The following MTHFD1L variants were observed in gnomAD, a reference collection of about 807,000 sequenced individuals.
MTHFD1L encodes the protein methylenetetrahydrofolate dehydrogenase (NADP+ dependent) 1 like.
In MTHFD1L, 81 loss-of-function variants were observed where a neutral mutation model predicts 119.5. The ratio of observed to expected loss-of-function variants is 0.68; its 90% confidence interval spans 0.57 to 0.82. The LOEUF is 0.82. Ranked by LOEUF, MTHFD1L falls within the 40% of genes least tolerant of loss-of-function variation. The probability of loss-of-function intolerance (pLI) is 0.00; values close to 1 mark genes in which losing one functional copy is unlikely to be tolerated. For synonymous variants in MTHFD1L, 430 were observed against 475.2 expected, an observed-to-expected ratio of 0.90 and a Z score of 1.24; for missense variants, 1,125 against 1,253.4, an observed-to-expected ratio of 0.90 and a Z score of 1.55.
At chr6:150,947,702 A>G (rs1794211241) in intron 15 of MTHFD1L, among the ~76,000 whole-genome samples, 2 of 152,138 alleles carry the variant, frequency 1.3e-5, no homozygotes, top group Non-Finnish European at 2.9e-5. Context: ...TTGAAAAACT[A>G]AAGAACTGCG....
At chr6:151,100,698 A>C (rs1228559800) in intron 27 of MTHFD1L, among the ~76,000 whole-genome samples, 1 of 151,736 alleles carries the variant, frequency 6.6e-6, no homozygotes, top group Non-Finnish European at 1.5e-5. Context: ...ACAGGATTCA[A>C]GAATGGCAAT....
At chr6:150,952,592 C>G in intron 16 of MTHFD1L, among the ~76,000 whole-genome samples, 1 of 151,684 alleles carries the variant, frequency 6.6e-6, no homozygotes, top group East Asian at 1.9e-4. Flanking sequence ...GTGCAGTGTG[C>G]GATCTCGGCT....
At chr6:150,954,237 T>C (rs803462) in intron 16 of MTHFD1L, among the ~76,000 whole-genome samples, 43,272 of 152,202 alleles carry the variant, frequency 0.28, 6,500 homozygotes, top group East Asian at 0.49. Context: ...TTGAGTAAAG[T>C]GGATCTAAAT....
At chr6:151,021,577 A>G (rs1194960320) in intron 24 of MTHFD1L, among the ~76,000 whole-genome samples, 1 of 152,262 alleles carries the variant, frequency 6.6e-6, no homozygotes, top group African/African-American at 2.4e-5. Flanking sequence ...AAAGTAGTCA[A>G]TCAATGCTGG....
intron 20 of MTHFD1L, among the ~76,000 whole-genome samples, chr6:151,008,321 G>A (rs1076745): frequency 0.051 from 7,687 of 152,204 alleles, 624 homozygotes; most frequent in East Asian, 0.42. Flanking sequence ...AGTTCCGATC[G>A]GTGTCCTGGT....
At chr6:151,067,381 T>C (rs1234065152) in intron 26 of MTHFD1L, among the ~76,000 whole-genome samples, 3 of 152,176 alleles carry the variant, frequency 2.0e-5, no homozygotes, top group African/African-American at 7.2e-5. Context: ...TGGTGTACAG[T>C]GGTGCAATCT....
rs112663874 is a variant in MTHFD1L at position 151,039,917 on chromosome 6, AATAC to A, written c.2847+2827_2847+2830del. 7.5e-4 allele frequency among the ~76,000 whole-genome samples: 111 copies of A among 148,750 alleles called. No homozygotes were observed. The highest frequency in any genetic ancestry group is 2.5e-3 in the African/African-American group (101 of 40,060). ...GTGACAGAGCAAGACTTCATCTCTAAATACATACATACATACATACATACATACA... is the reference window on the plus strand; with the variant it reads ...GTGACAGAGCAAGACTTCATCTCTAAATACATACATACATACATACATACA... On this transcript the variant is annotated intron_variant, in intron 26 of 27. Transcript: ENST00000367321. The surrounding 1 kb of genome is among the most constrained non-coding windows in gnomAD (Gnocchi z 4.4).
intron 11 of MTHFD1L, among the ~76,000 whole-genome samples, chr6:150,928,433 C>CAA (rs540059318): frequency 0.016 from 1,149 of 70,788 alleles, 21 homozygotes; most frequent in African/African-American, 0.054. Context: ...AAGACTGTCT[C>CAA]AAAAAAAAAA....
chr6:151,062,629 GGAGTA>G (rs1391140376), intron 26 of MTHFD1L, among the ~76,000 whole-genome samples: 1 of 152,172 alleles, frequency 6.6e-6, no homozygotes, highest in Non-Finnish European at 1.5e-5. Context: ...GTTGGGGGCA[GGAGTA>G]GGCAGAGTAA....
intron 7 of MTHFD1L, chr6:150,898,753 A>AC: frequency 3.4e-6 from 1 of 295,750 alleles, no homozygotes; most frequent in South Asian, 3.1e-5. Context: ...TCCTGTTACC[A>AC]CCCCCCATCT....
At chr6:150,948,795 CA>C (rs1794428703) in intron 15 of MTHFD1L, among the ~76,000 whole-genome samples, 1 of 145,678 alleles carries the variant, frequency 6.9e-6, no homozygotes, top group Non-Finnish European at 1.5e-5. Flanking sequence ...CATGCGCCAC[CA>C]TGCCCAGCTA....
chr6:151,031,253 CT>C (rs1254679919), intron 24 of MTHFD1L, among the ~76,000 whole-genome samples: 2 of 152,254 alleles, frequency 1.3e-5, no homozygotes, highest in Non-Finnish European at 2.9e-5. Context: ...GGTTCACATT[CT>C]GCCCTCCTTT....
Position 151,009,840 on chromosome 6 carries a change from C to T in MTHFD1L, c.2147C>T (p.Ala716Val), listed in dbSNP as rs1289938222. The T allele has an allele frequency of 6.2e-7, 1 of 1,613,856 alleles. No homozygotes were observed. The highest frequency in any genetic ancestry group is 8.5e-7 in the Non-Finnish European group (1 of 1,179,900). Residue 716 changes from alanine to valine, a missense_variant, in exon 21 of 28, where the codon GCT (alanine) becomes GTT (valine). This residue lies in a region of MTHFD1L where 1,058 missense variants were observed against 1,151.2 expected (regional missense o/e 0.92). Transcript: ENST00000367321. The part of the protein sequence containing the change: ...GFVVTEAGFG[A>V]DIGMEKFFNI... ...ACAGTGACCGAAGCTGGCTTTGGTG[C>T]TGACATCGGAATGGAGAAATTCTTC...
chr6:150,925,255 G>A (rs12662170), intron 10 of MTHFD1L, among the ~76,000 whole-genome samples: 2,246 of 152,218 alleles, frequency 0.015, 34 homozygotes, highest in East Asian at 0.029. Flanking sequence ...GTCCCCCGCC[G>A]CGTGGTCTCC....
intron 19 of MTHFD1L, among the ~76,000 whole-genome samples, chr6:150,965,841 A>G (rs1324774355): frequency 6.6e-6 from 1 of 152,158 alleles, no homozygotes; most frequent in Admixed American, 6.5e-5. Context: ...AAGACTTTCC[A>G]GGAAAGCATT....
intron 20 of MTHFD1L, among the ~76,000 whole-genome samples, chr6:151,008,568 C>T (rs914133589): frequency 1.3e-5 from 2 of 152,132 alleles, no homozygotes; most frequent in Non-Finnish European, 2.9e-5. Context: ...CATTGAGCAG[C>T]AAGGTCCTAG....
intron 10 of MTHFD1L, among the ~76,000 whole-genome samples, chr6:150,925,612 C>G (rs1209723443): frequency 1.3e-5 from 2 of 152,092 alleles, no homozygotes; most frequent in African/African-American, 4.8e-5. Context: ...AGTGTGGACA[C>G]AGATAAAACG....
intron 7 of MTHFD1L, among the ~76,000 whole-genome samples, chr6:150,890,229 T>C (rs1379703145): frequency 3.3e-5 from 5 of 152,142 alleles, no homozygotes; most frequent in African/African-American, 1.2e-4. Context: ...AACTTGCCCA[T>C]ATATATACAA....
chr6:150,948,812 T>A lies in MTHFD1L; in HGVS notation c.1624-219T>A, dbSNP rs573323452. On this transcript the variant is annotated intron_variant, in intron 15 of 27. Coordinates refer to ENST00000367321, the MANE Select transcript of MTHFD1L (RefSeq NM_015440.5). The stretch of plus-strand genomic sequence containing the variant: ...TGCGCCACCATGCCCAGCTAATTTT[T>A]GCATTTTTAGTAGAGATGGGGTTTC... Among the ~76,000 whole-genome samples, 59 of 147,820 alleles carry A rather than the reference T, an allele frequency of 4.0e-4. 2 individuals carry two copies. Among genetic ancestry groups the A allele is most frequent in the Admixed American group, 8.3e-4 (12 of 14,504 alleles).
Sources: gnomAD v4.1 joint callset for allele counts (sites outside exome capture counted in the v4.1 genomes callset) on GRCh38, gnomAD v4.1.1 for gene constraint, gnomAD v4.1.1 regional missense constraint, Gnocchi (gnomAD v3.1) non-coding constraint, MANE v1.5 for transcripts, NCBI Gene and HGNC (gene_info 2026-07-23, HGNC 2026-07-21) for gene names.